The following DENND1A variants were observed in gnomAD, a reference collection of about 807,000 sequenced individuals.
The protein encoded by DENND1A is DENN domain-containing protein 1A.
DENND1A carries 51 observed loss-of-function variants against 113.7 expected under a neutral mutation model. That is an observed-to-expected ratio of 0.45 (90% CI 0.36 to 0.57). The LOEUF (loss-of-function observed/expected upper bound fraction) is 0.57, where lower values mean the gene tolerates loss of function less well. Ranked by LOEUF, DENND1A falls within the 20% of genes least tolerant of loss-of-function variation. The pLI, the probability that DENND1A is intolerant of heterozygous loss-of-function variation, is 0.00. For synonymous variants in DENND1A, 565 were observed against 570.8 expected (o/e 0.99, Z 0.14); for missense variants, 1,258 against 1,395.9 (o/e 0.90, Z 1.57).
chr9:123,686,221 C>T (rs2064802172), intron 5 of DENND1A, among the ~76,000 whole-genome samples: 2 of 152,120 alleles, frequency 1.3e-5, no homozygotes, highest in South Asian at 4.1e-4. Context: ...TGAATTATCC[C>T]ATTTTACAGA....
chr9:123,449,496 T>C (rs1242614748), intron 18 of DENND1A, among the ~76,000 whole-genome samples: 3 of 149,824 alleles, frequency 2.0e-5, no homozygotes, highest in Non-Finnish European at 3.0e-5. Context: ...GATCGCGCCA[T>C]TGCACTCCAG....
chr9:123,783,604 C>T (rs1021706887), intron 3 of DENND1A, among the ~76,000 whole-genome samples: 3 of 152,218 alleles, frequency 2.0e-5, no homozygotes, highest in Non-Finnish European at 4.4e-5. Context: ...CTATGACTAT[C>T]TCTACTTTCT....
intron 13 of DENND1A, among the ~76,000 whole-genome samples, chr9:123,500,124 A>G (rs986092734): frequency 6.6e-6 from 1 of 152,190 alleles, no homozygotes; most frequent in African/African-American, 2.4e-5. Context: ...TGTACCCCTC[A>G]ACCTAAAATA....
At chr9:123,846,898 C>A (rs1399494030) in intron 2 of DENND1A, among the ~76,000 whole-genome samples, 1 of 152,000 alleles carries the variant, frequency 6.6e-6, no homozygotes, top group Non-Finnish European at 1.5e-5. Flanking sequence ...AAATAATATA[C>A]CAAAACCATT....
chr9:123,452,163 C>A (rs1055206359), intron 17 of DENND1A, 113 bp downstream of exon 17: 26 of 998,102 alleles, frequency 2.6e-5, no homozygotes, highest in South Asian at 8.9e-5. Flanking sequence ...CACTGCACTC[C>A]AGCCTGGGCA....
chr9:123,395,468 C>CTCTCTCTGTGTGTGTGTG lies in DENND1A; in HGVS notation c.1632-7611_1632-7610insCACACACACACAGAGAGA, dbSNP rs367751848. On this transcript the variant is annotated intron_variant, in intron 21 of 23. Transcript: ENST00000394215. ...AGGGCCCAGAATCTACTCTCTCTCT[C>CTCTCTCTGTGTGTGTGTG]TGTGTGTGTGTGTGTGTGTGTGTGT... is the stretch of plus-strand genomic sequence containing the variant. 9.4e-3 allele frequency among the ~76,000 whole-genome samples: 1,338 copies of CTCTCTCTGTGTGTGTGTG among 142,934 alleles called. 11 individuals are homozygous for CTCTCTCTGTGTGTGTGTG. Among genetic ancestry groups the CTCTCTCTGTGTGTGTGTG allele is most frequent in the Middle Eastern group, 0.032 (9 of 282 alleles). The allele number at this position is 142,934 out of a possible 152,430, so 93.8% of individuals were successfully genotyped here.
intron 2 of DENND1A, among the ~76,000 whole-genome samples, chr9:123,867,522 T>C (rs1317033366): frequency 6.6e-6 from 1 of 152,248 alleles, no homozygotes; most frequent in Non-Finnish European, 1.5e-5. Context: ...GTTTCCAAGC[T>C]TCATTATTAT....
chr9:123,611,182 T>G (rs1439663916), intron 10 of DENND1A, among the ~76,000 whole-genome samples: 1 of 152,226 alleles, frequency 6.6e-6, no homozygotes, highest in Non-Finnish European at 1.5e-5. Flanking sequence ...TTCTTCTTCT[T>G]CTTCTTCTTT....
chr9:123,407,343 G>A (rs1564430691), intron 20 of DENND1A, among the ~76,000 whole-genome samples: 2 of 151,926 alleles, frequency 1.3e-5, no homozygotes, highest in South Asian at 2.1e-4. Context: ...TGACCATCCC[G>A]AGATACATCG....
intron 2 of DENND1A, among the ~76,000 whole-genome samples, chr9:123,877,872 A>C (rs1847739781): frequency 6.6e-6 from 1 of 152,162 alleles, no homozygotes; most frequent in South Asian, 2.1e-4. Context: ...CTGTAGAGTT[A>C]AACAAAGGTG....
intron 8 of DENND1A, among the ~76,000 whole-genome samples, chr9:123,660,446 G>T (rs886834189): frequency 6.9e-6 from 1 of 144,574 alleles, no homozygotes; most frequent in Non-Finnish European, 1.6e-5. Context: ...GTAAGGCTAT[G>T]AGAAGACTTA....
At chr9:123,612,872 C>T (rs1206205864) in intron 10 of DENND1A, among the ~76,000 whole-genome samples, 1 of 152,202 alleles carries the variant, frequency 6.6e-6, no homozygotes, top group Admixed American at 6.5e-5. Context: ...TTAGAGACAA[C>T]CTCTGACGTA....
At chr9:123,769,011 A>G (rs183197558) in intron 4 of DENND1A, among the ~76,000 whole-genome samples, 9 of 152,132 alleles carry the variant, frequency 5.9e-5, no homozygotes, top group Admixed American at 1.3e-4. Context: ...TTTCCCAGAG[A>G]TACCATTCTT....
At chr9:123,739,408 CAACT>C (rs1223951660) in intron 5 of DENND1A, among the ~76,000 whole-genome samples, 2 of 152,122 alleles carry the variant, frequency 1.3e-5, no homozygotes, top group Admixed American at 6.5e-5. Context: ...CTAACCTCTA[CAACT>C]AACTTTGTAT....
intron 1 of DENND1A, among the ~76,000 whole-genome samples, chr9:123,919,418 G>A (rs1855811042): frequency 6.8e-6 from 1 of 148,084 alleles, no homozygotes; most frequent in Non-Finnish European, 1.5e-5. Context: ...GTTGCAGTGA[G>A]CCGAGATCAC....
chr9:123,529,129 A>G (rs1054441834), intron 13 of DENND1A, among the ~76,000 whole-genome samples: 3 of 152,154 alleles, frequency 2.0e-5, no homozygotes, highest in Non-Finnish European at 4.4e-5. Context: ...CCAATGCAAT[A>G]TTTTTTTAAA....
intron 9 of DENND1A, among the ~76,000 whole-genome samples, chr9:123,650,758 T>G (rs2062602220): frequency 6.6e-6 from 1 of 151,704 alleles, no homozygotes; most frequent in African/African-American, 2.4e-5. Context: ...AATACAAAAA[T>G]TAGCTGGGTG....
intron 13 of DENND1A, among the ~76,000 whole-genome samples, chr9:123,547,268 G>A (rs993939413): frequency 3.3e-5 from 5 of 152,246 alleles, no homozygotes; most frequent in Admixed American, 2.0e-4. Flanking sequence ...GGTGGCTCAC[G>A]CCTGTAATCC....
intron 4 of DENND1A, among the ~76,000 whole-genome samples, chr9:123,766,605 T>C (rs1828857037): frequency 6.6e-6 from 1 of 152,230 alleles, no homozygotes; most frequent in African/African-American, 2.4e-5. Context: ...GGTGGTCTAC[T>C]GAAACGTATT....
Sources: allele counts gnomAD v4.1 joint callset (sites outside exome capture counted in the v4.1 genomes callset), GRCh38; gene constraint gnomAD v4.1.1; transcripts MANE v1.5; gene names NCBI Gene and HGNC (gene_info 2026-07-23, HGNC 2026-07-21).